The following BTAF1 variants were observed in gnomAD, a reference collection of about 807,000 sequenced individuals.
BTAF1 encodes the protein TATA-binding protein-associated factor 172.
In BTAF1, 38 loss-of-function variants were observed where a neutral mutation model predicts 227.1. That is an observed-to-expected ratio of 0.17 (90% CI 0.13 to 0.22). The LOEUF is 0.22. Among genes scored for constraint, BTAF1 ranks in the 10% least tolerant of loss-of-function variants. The pLI is 1.00. For synonymous variants in BTAF1, 742 were observed against 751.9 expected, an observed-to-expected ratio of 0.99 and a Z score of 0.21; for missense variants, 1,598 against 2,204.0, an observed-to-expected ratio of 0.73 and a Z score of 5.51.
chr10:92,028,146 A>G (rs1265336224), intron 37 of BTAF1, among the ~76,000 whole-genome samples: 1 of 152,194 alleles, frequency 6.6e-6, no homozygotes, highest in Non-Finnish European at 1.5e-5. Flanking sequence ...TTTAACATAG[A>G]AAAAAGAAGG....
At chr10:91,955,240 T>C (rs1846016755) in intron 6 of BTAF1, among the ~76,000 whole-genome samples, 1 of 152,226 alleles carries the variant, frequency 6.6e-6, no homozygotes, top group East Asian at 1.9e-4. Context: ...AAGATTTGAA[T>C]GTTGGAAATA....
chr10:91,937,581 T>G (rs1340127723), intron 2 of BTAF1, among the ~76,000 whole-genome samples: 2 of 152,216 alleles, frequency 1.3e-5, no homozygotes, highest in Non-Finnish European at 2.9e-5. Flanking sequence ...CGATTTCTTT[T>G]GCTCAAAATA....
chr10:91,933,184 A>C (rs937320576), intron 1 of BTAF1, among the ~76,000 whole-genome samples: 2 of 152,226 alleles, frequency 1.3e-5, no homozygotes, highest in African/African-American at 4.8e-5. Context: ...TGTGGAAACC[A>C]AAAATACCCA....
intron 14 of BTAF1, among the ~76,000 whole-genome samples, chr10:91,979,914 C>T (rs1225431466): frequency 6.6e-6 from 1 of 152,130 alleles, no homozygotes; most frequent in East Asian, 1.9e-4. Flanking sequence ...ACATAGTTTT[C>T]ATCAGAGTTT....
intron 5 of BTAF1, 78 bp from the exon 6 acceptor site, chr10:91,953,659 G>GT: frequency 2.0e-6 from 3 of 1,485,684 alleles, no homozygotes; most frequent in Non-Finnish European, 2.7e-6. Context: ...TATAGACTTG[G>GT]TCTTCTTCTG....
At position 91,994,340 on chromosome 10, in the gene BTAF1, G is replaced by A. The variant is rs7077506; in HGVS notation, c.3200-195G>A. ...TGTTTTTAAAGAGATACTTGAAATG[G>A]ATCACTATGTTTAAGTTCTTTGGTT... On this transcript the variant is annotated intron_variant, in intron 22 of 37. Transcript: ENST00000265990. 0.079 allele frequency among the ~76,000 whole-genome samples: 11,976 copies of A among 152,070 alleles called. 702 individuals carry two copies. The highest frequency in any genetic ancestry group is 0.19 in the East Asian group (1,005 of 5,176).
rs921151259 is a variant in BTAF1 at position 91,992,184 on chromosome 10, T to C, written c.2920T>C (p.Tyr974His). The C allele has an allele frequency of 2.5e-5, 40 of 1,613,926 alleles. No individual in the cohort carries two copies. Among genetic ancestry groups the C allele is most frequent in the Non-Finnish European group, 3.3e-5 (39 of 1,179,998 alleles). Residue 974 changes from tyrosine (Y) to histidine (H), a missense_variant, in exon 21 of 38, where the codon TAC becomes CAC. By Grantham distance (83) the Tyr-to-His change is moderately conservative. Transcript: ENST00000265990. ...CAAGCACAGAGGTATAATTACACTCTACAGGCACCAGAAAGCTGCCTTTGC... is the reference window on the plus strand; with the variant it reads ...CAAGCACAGAGGTATAATTACACTCCACAGGCACCAGAAAGCTGCCTTTGC... ...VTKHRGIITLYRHQKAAFAIT... is the reference protein window; with the variant it reads ...VTKHRGIITLHRHQKAAFAIT...
chr10:91,987,272 A>G (rs545491667), intron 19 of BTAF1, among the ~76,000 whole-genome samples: 1 of 152,044 alleles, frequency 6.6e-6, no homozygotes, highest in Non-Finnish European at 1.5e-5. Flanking sequence ...TCATGAGGTC[A>G]GGAGATCAAG....
Position 91,989,588 on chromosome 10 carries a change from C to A in BTAF1, c.2854+8C>A. ...GCCAGGAAAATTCTAAAGGTATATA[C>A]CTAAACTTTTATTTGGGGTAGAGAA... is the stretch of plus-strand genomic sequence containing the variant. On this transcript the variant is annotated splice_region_variant and intron_variant, in intron 20 of 37. Coordinates refer to ENST00000265990, the MANE Select transcript of BTAF1 (RefSeq NM_003972.3). 1.3e-6 allele frequency: 2 copies of A among 1,564,090 alleles called. No homozygotes were observed. The highest frequency in any genetic ancestry group is 1.7e-6 in the Non-Finnish European group (2 of 1,159,988).
chr10:92,029,038 G>A lies in BTAF1; in HGVS notation c.*105G>A. 1 of 1,051,962 alleles carries A rather than the reference G, an allele frequency of 9.5e-7. No homozygotes were observed. The highest frequency in any genetic ancestry group is 1.3e-6 in the Non-Finnish European group (1 of 742,042). 65.2% of individuals were successfully genotyped at this position (1,051,962 alleles called of 1,614,324 possible). A position where few individuals can be genotyped will look rare whatever the true frequency, so the allele number is the denominator to read the frequency against. On this transcript the variant is annotated 3_prime_UTR_variant, in exon 38 of 38. Coordinates refer to ENST00000265990, the MANE Select transcript of BTAF1 (RefSeq NM_003972.3). Reference sequence around the variant, plus strand: ...GAACTTTTAACTCAATGTGTAAATAGATCTGGAGAATATTCAGCATAATGC... The same window carrying A: ...GAACTTTTAACTCAATGTGTAAATAAATCTGGAGAATATTCAGCATAATGC...
intron 25 of BTAF1, among the ~76,000 whole-genome samples, chr10:92,000,670 G>C (rs1370955386): frequency 6.6e-6 from 1 of 152,100 alleles, no homozygotes; most frequent in African/African-American, 2.4e-5. Flanking sequence ...CAATTCTCCT[G>C]CCTCAGCCTC....
Position 91,993,767 on chromosome 10 carries a change from G to T in BTAF1, c.3119G>T (p.Gly1040Val), listed in dbSNP as rs771206397. ...ACAACTATAGTAAAGCATTTTGGTG[G>T]TGAAATGGCAGTGAAGTTGCCACAT... ...ALTTIVKHFG[G>V]EMAVKLPHLW... Residue 1040 changes from glycine (G) to valine (V), a missense_variant, in exon 22 of 38, where the codon GGT (glycine) becomes GTT (valine). Physicochemically the swap from Gly to Val is moderately radical, Grantham distance 109 (BLOSUM62 -3). This residue lies in a region of BTAF1 where 425 missense variants were observed against 491.2 expected (regional missense o/e 0.87). Coordinates refer to ENST00000265990, the MANE Select transcript of BTAF1 (RefSeq NM_003972.3). 8.1e-6 allele frequency: 13 copies of T among 1,608,922 alleles called. No homozygotes were observed. Among genetic ancestry groups the T allele is most frequent in the Admixed American group, 1.7e-5 (1 of 59,906 alleles).
chr10:91,928,408 T>G (rs9665425), intron 1 of BTAF1, among the ~76,000 whole-genome samples: 1,777 of 152,268 alleles, frequency 0.012, 33 homozygotes, highest in African/African-American at 0.04. Flanking sequence ...GAAAATGATA[T>G]GACTCTTTTA....
intron 25 of BTAF1, among the ~76,000 whole-genome samples, chr10:92,005,318 A>G (rs531607251): frequency 6.6e-5 from 10 of 152,054 alleles, no homozygotes; most frequent in African/African-American, 1.7e-4. Flanking sequence ...TGCTTTTTCT[A>G]TTTCTGTAAA....
intron 14 of BTAF1, among the ~76,000 whole-genome samples, chr10:91,978,360 G>A (rs1847830376): frequency 6.6e-6 from 1 of 152,104 alleles, no homozygotes; most frequent in Non-Finnish European, 1.5e-5. Flanking sequence ...TTGGGGTTGA[G>A]GGTCGGGGAA....
chr10:91,925,336 A>G (rs561356003), intron 1 of BTAF1, among the ~76,000 whole-genome samples: 8 of 152,204 alleles, frequency 5.3e-5, no homozygotes, highest in Non-Finnish European at 7.3e-5. Context: ...GCATGAATAT[A>G]TACATTGTAA....
chr10:91,949,999 A>G (rs1338978407), intron 4 of BTAF1, among the ~76,000 whole-genome samples: 8 of 152,038 alleles, frequency 5.3e-5, no homozygotes, highest in African/African-American at 1.9e-4. Flanking sequence ...AAAATTAGCC[A>G]GGAATGGTGA....
At chr10:91,995,429 C>G (rs540892142) in intron 23 of BTAF1, among the ~76,000 whole-genome samples, 192 of 151,668 alleles carry the variant, frequency 1.3e-3, no homozygotes, top group Non-Finnish European at 2.3e-3. Context: ...GTAATCCCAG[C>G]ACTTTGGGAG....
intron 32 of BTAF1, 54 bp from the exon 33 acceptor site, chr10:92,016,286 G>A: frequency 2.6e-6 from 4 of 1,551,578 alleles, no homozygotes; most frequent in South Asian, 1.3e-5. Context: ...TATGTGTTTT[G>A]AACAATTGAA....
Sources: allele counts gnomAD v4.1 joint callset (sites outside exome capture counted in the v4.1 genomes callset), GRCh38; gene constraint gnomAD v4.1.1; regional missense constraint gnomAD v4.1.1; transcripts MANE v1.5; gene names NCBI Gene and HGNC (gene_info 2026-07-23, HGNC 2026-07-21).